Variants in TM6SF1 observed in about 807,000 individuals in gnomAD.
TM6SF1 encodes transmembrane 6 superfamily member 1.
TM6SF1 carries 43 observed loss-of-function variants against 47.1 expected under a neutral mutation model. That is an observed-to-expected ratio of 0.91 (90% CI 0.72 to 1.18). TM6SF1 has a LOEUF of 1.18. TM6SF1 is among the 50% of genes most tolerant of loss of function. The pLI is 0.00. For missense variants in TM6SF1, 390 were observed against 449.0 expected (o/e 0.87, Z 1.19); for synonymous variants, 177 against 166.3 (o/e 1.06, Z -0.49).
Position 83,108,932 on chromosome 15 carries a change from G to A in TM6SF1, c.92+1160G>A, listed in dbSNP as rs79563254. Among the ~76,000 whole-genome samples the A allele has an allele frequency of 7.8e-3, 1,191 of 152,264 alleles. 14 individuals carry two copies. Among genetic ancestry groups the A allele is most frequent in the African/African-American group, 0.026 (1,100 of 41,532 alleles). On this transcript the variant is annotated intron_variant, in intron 1 of 9. Transcript: ENST00000322019. ...CTGGAGGCAGCTGCTCTGGGCCACC[G>A]AATATTACATGCCTGTCAATATAGT...
At chr15:83,117,906 C>T (rs1259589670) in intron 3 of TM6SF1, among the ~76,000 whole-genome samples, 1 of 152,082 alleles carries the variant, frequency 6.6e-6, no homozygotes, top group Admixed American at 6.5e-5. Flanking sequence ...GTGAGGGACA[C>T]TGAGGGCTAG....
At chr15:83,113,779 C>A (rs2034408290) in intron 2 of TM6SF1, 2 of 152,420 alleles carry the variant, frequency 1.3e-5, no homozygotes, top group Non-Finnish European at 2.9e-5. Context: ...CACAGTGGGG[C>A]TAGAAGGAAG....
rs1477885369 is a variant in TM6SF1 at position 83,115,861 on chromosome 15, AT to A, written c.216del (p.Phe72LeufsTer5). The A allele has an allele frequency of 6.2e-7, 1 of 1,613,966 alleles. No individual in the cohort carries two copies. The highest frequency in any genetic ancestry group is 1.7e-5 in the Admixed American group (1 of 60,024). On this transcript the variant is annotated frameshift_variant, in exon 3 of 10. Transcript: ENST00000322019. LOFTEE classifies it high-confidence loss of function. ...PLFYVYAVFG[F>X]TSVVNLIIGL... The stretch of plus-strand genomic sequence containing the variant: ...TTGCTCTAGTGTATGCAGTTTTTGG[AT>A]TTACCAGCGTGGTGAACCTCATCAT...
At chr15:83,108,224 G>C (rs1332219738) in intron 1 of TM6SF1, among the ~76,000 whole-genome samples, 1 of 152,216 alleles carries the variant, frequency 6.6e-6, no homozygotes, top group Non-Finnish European at 1.5e-5. Flanking sequence ...TTTAGAAACT[G>C]TTGTGAATGA....
rs147916955 is a variant in TM6SF1, at chr15:83,113,264, T to G, written c.196+364T>G. 759 of 322,320 alleles carry G rather than the reference T, an allele frequency of 2.4e-3. 2 individuals carry two copies. Among genetic ancestry groups the G allele is most frequent in the Middle Eastern group, 0.016 (15 of 962 alleles). 20.0% of individuals were successfully genotyped at this position (322,320 alleles called of 1,614,324 possible). ...CCCCCCACTTAGTGCAGAACTTAAC[T>G]GTGTGGTGTCTGGGTCTGCACATAT... On this transcript the variant is annotated intron_variant, in intron 2 of 9. Coordinates refer to ENST00000322019, the MANE Select transcript of TM6SF1 (RefSeq NM_023003.5).
intron 7 of TM6SF1, among the ~76,000 whole-genome samples, chr15:83,125,321 T>C (rs1442423965): frequency 6.6e-6 from 1 of 152,168 alleles, no homozygotes; most frequent in Admixed American, 6.5e-5. Flanking sequence ...CACATGGGCA[T>C]TTCATGTTTT....
chr15:83,121,776 T>A, intron 4 of TM6SF1, 145 bp from the exon 5 acceptor site: 1 of 632,134 alleles, frequency 1.6e-6, no homozygotes, highest in Non-Finnish European at 2.7e-6. Context: ...GGGCTCCTTG[T>A]GTTTGATTTA....
At chr15:83,109,913 C>T (rs1418047776) in intron 1 of TM6SF1, among the ~76,000 whole-genome samples, 1 of 152,222 alleles carries the variant, frequency 6.6e-6, no homozygotes, top group African/African-American at 2.4e-5. Flanking sequence ...CTACCTTCTG[C>T]AGACCCTCCC....
At chr15:83,130,483 G>C (rs1319259972) in intron 9 of TM6SF1, 1 of 152,244 alleles carries the variant, frequency 6.6e-6, no homozygotes, top group Non-Finnish European at 1.5e-5. Context: ...CCCCTCTCTT[G>C]ATGGTGAATG....
intron 3 of TM6SF1, 66 bp from the exon 4 acceptor site, chr15:83,119,512 A>G: frequency 6.7e-7 from 1 of 1,488,242 alleles, no homozygotes; most frequent in Non-Finnish European, 9.3e-7. Flanking sequence ...TACTTGCAAT[A>G]CAGGTCTGAT....
At chr15:83,136,278 A>G (rs1379448655) in intron 9 of TM6SF1, 2 of 430,442 alleles carry the variant, frequency 4.6e-6, no homozygotes, top group Non-Finnish European at 8.2e-6. Context: ...CATATCAAGA[A>G]TGGCCCTAAA....
intron 9 of TM6SF1, 170 bp from the exon 10 acceptor site, chr15:83,136,311 T>C: frequency 2.2e-6 from 1 of 464,044 alleles, no homozygotes; most frequent in Non-Finnish European, 3.8e-6. Flanking sequence ...CTAAATTTAA[T>C]GAAAGACTCT....
chr15:83,136,745 T>G lies in TM6SF1; in HGVS notation c.*73T>G. 2 of 1,287,462 alleles carry G rather than the reference T, an allele frequency of 1.6e-6. No homozygotes were observed. The highest frequency in any genetic ancestry group is 2.9e-5 in the South Asian group (2 of 69,818). 79.8% of individuals were successfully genotyped at this position (1,287,462 alleles called of 1,614,324 possible). ...ACTGGTACTGATATTTTGTCCCATT[T>G]CACTCTCTTCTCATACGTGAGTACT... On this transcript the variant is annotated 3_prime_UTR_variant, in exon 10 of 10. Coordinates refer to ENST00000322019, the MANE Select transcript of TM6SF1 (RefSeq NM_023003.5).
At chr15:83,127,663 A>G (rs976685529) in intron 9 of TM6SF1, 186 bp downstream of exon 9, 1 of 567,382 alleles carries the variant, frequency 1.8e-6, no homozygotes, top group Admixed American at 3.3e-5. Context: ...CAATAACTAT[A>G]TGGTAGATGT....
chr15:83,120,635 A>G (rs914940176), intron 4 of TM6SF1, among the ~76,000 whole-genome samples: 1 of 149,654 alleles, frequency 6.7e-6, no homozygotes, highest in East Asian at 2.0e-4. Flanking sequence ...CAATGGCACA[A>G]TCTCAGCTCA....
At chr15:83,125,651 G>T (rs1042907451) in intron 7 of TM6SF1, among the ~76,000 whole-genome samples, 3 of 152,222 alleles carry the variant, frequency 2.0e-5, no homozygotes, top group African/African-American at 4.8e-5. Flanking sequence ...GGGAAGTTTA[G>T]AATTATATTG....
At chr15:83,119,085 GTGCC>G (rs959171839) in intron 3 of TM6SF1, among the ~76,000 whole-genome samples, 4 of 152,162 alleles carry the variant, frequency 2.6e-5, no homozygotes, top group Non-Finnish European at 4.4e-5. Context: ...TCCGAGTTCG[GTGCC>G]TGCCTGCCTA....
chr15:83,133,990 T>C (rs2151386563), intron 9 of TM6SF1: 1 of 152,318 alleles, frequency 6.6e-6, no homozygotes, highest in African/African-American at 2.4e-5. Context: ...AAATGCCTCT[T>C]TTGATTATGA....
intron 1 of TM6SF1, among the ~76,000 whole-genome samples, chr15:83,109,919 C>T (rs1160733671): frequency 6.6e-6 from 1 of 152,204 alleles, no homozygotes; most frequent in Non-Finnish European, 1.5e-5. Context: ...TCTGCAGACC[C>T]TCCCTCTCTC....
Sources: allele counts gnomAD v4.1 joint callset (sites outside exome capture counted in the v4.1 genomes callset), GRCh38; gene constraint gnomAD v4.1.1; transcripts MANE v1.5; gene names NCBI Gene and HGNC (gene_info 2026-07-23, HGNC 2026-07-21).